The following SLC2A13 variants were observed in gnomAD, a reference collection of about 807,000 sequenced individuals.
The protein encoded by SLC2A13 is proton myo-inositol cotransporter.
Under a neutral mutation model 64.4 loss-of-function variants are expected in SLC2A13, and 32 were observed. That is an observed-to-expected ratio of 0.50 (90% CI 0.37 to 0.67). The LOEUF is 0.67. Among genes scored for constraint, SLC2A13 ranks in the 30% least tolerant of loss-of-function variants. SLC2A13 has a pLI of 0.00. For missense variants in SLC2A13, 743 were observed against 829.2 expected (o/e 0.90, Z 1.28); for synonymous variants, 338 against 327.1 (o/e 1.03, Z -0.36).
chr12:40,023,550 G>C (rs1947756575), intron 3 of SLC2A13, among the ~76,000 whole-genome samples: 1 of 152,198 alleles, frequency 6.6e-6, no homozygotes, highest in Admixed American at 6.5e-5. Flanking sequence ...TGTTCCCTAA[G>C]ACTGCCTTCA....
intron 1 of SLC2A13, among the ~76,000 whole-genome samples, chr12:40,103,378 T>C (rs1464054228): frequency 6.6e-6 from 1 of 152,204 alleles, no homozygotes; most frequent in Non-Finnish European, 1.5e-5. Context: ...GTACCCCCTC[T>C]GAATTCATCA....
At chr12:40,001,648 CTT>C (rs1947322882) in intron 3 of SLC2A13, among the ~76,000 whole-genome samples, 1 of 152,216 alleles carries the variant, frequency 6.6e-6, no homozygotes, top group African/African-American at 2.4e-5. Flanking sequence ...AGTCAGCACT[CTT>C]TATTCTTGGG....
intron 3 of SLC2A13, among the ~76,000 whole-genome samples, chr12:40,008,235 T>G (rs1947458895): frequency 6.6e-6 from 1 of 152,062 alleles, no homozygotes; most frequent in African/African-American, 2.4e-5. Context: ...CCAAAAAGAT[T>G]TTACTAAGGC....
chr12:40,090,269 T>A (rs914921028), intron 1 of SLC2A13, among the ~76,000 whole-genome samples: 3 of 152,152 alleles, frequency 2.0e-5, no homozygotes, highest in African/African-American at 2.4e-5. Context: ...TCTTCATTAA[T>A]AATATTTTAT....
At chr12:40,091,446 C>CT (rs1174491776) in intron 1 of SLC2A13, among the ~76,000 whole-genome samples, 19 of 152,252 alleles carry the variant, frequency 1.2e-4, no homozygotes, top group Admixed American at 1.2e-3. Context: ...TATTGCTAGA[C>CT]TTTTTTGCTG....
intron 2 of SLC2A13, among the ~76,000 whole-genome samples, chr12:40,033,449 C>T (rs571469485): frequency 6.6e-6 from 1 of 152,288 alleles, no homozygotes; most frequent in South Asian, 2.1e-4. Flanking sequence ...CTAATTGTGC[C>T]CAGCACAGGT....
chr12:40,090,235 G>C (rs1478520012), intron 1 of SLC2A13, among the ~76,000 whole-genome samples: 1 of 152,032 alleles, frequency 6.6e-6, no homozygotes, highest in East Asian at 1.9e-4. Flanking sequence ...GTAATCATCA[G>C]ACTCTTTTCT....
intron 1 of SLC2A13, among the ~76,000 whole-genome samples, chr12:40,089,118 A>T (rs1311116797): frequency 1.3e-5 from 2 of 152,196 alleles, no homozygotes; most frequent in Non-Finnish European, 2.9e-5. Context: ...TGAATCACTG[A>T]AAGAGTCAGG....
chr12:39,926,618 T>C (rs1420316009), intron 4 of SLC2A13, among the ~76,000 whole-genome samples: 1 of 152,150 alleles, frequency 6.6e-6, no homozygotes, highest in Non-Finnish European at 1.5e-5. Context: ...CTAACCTTTT[T>C]TATTTTTCTT....
chr12:39,802,645 A>G (rs1160012991), intron 7 of SLC2A13, among the ~76,000 whole-genome samples: 1 of 152,232 alleles, frequency 6.6e-6, no homozygotes, highest in Non-Finnish European at 1.5e-5. Flanking sequence ...GTCTAGAACT[A>G]TATGTATATA....
chr12:39,868,423 T>G (rs1403877354), intron 5 of SLC2A13, among the ~76,000 whole-genome samples: 2 of 152,218 alleles, frequency 1.3e-5, no homozygotes, highest in Non-Finnish European at 1.5e-5. Flanking sequence ...TCCCTTCCCA[T>G]GACTCTACCA....
intron 7 of SLC2A13, among the ~76,000 whole-genome samples, chr12:39,816,362 T>C (rs1005191055): frequency 1.5e-5 from 2 of 137,284 alleles, no homozygotes; most frequent in African/African-American, 5.5e-5. Flanking sequence ...TTCTCACTCA[T>C]AGGTGGGAAT....
intron 3 of SLC2A13, among the ~76,000 whole-genome samples, chr12:40,004,533 T>C (rs1159605924): frequency 2.6e-5 from 4 of 152,070 alleles, no homozygotes; most frequent in Non-Finnish European, 5.9e-5. Context: ...TTTTGGTATC[T>C]GAGGCGTATC....
At chr12:39,932,845 C>T (rs1945851721) in intron 4 of SLC2A13, among the ~76,000 whole-genome samples, 1 of 138,280 alleles carries the variant, frequency 7.2e-6, no homozygotes. Flanking sequence ...AAAGCTGGGG[C>T]AGTTAAGTCT....
At chr12:39,938,236 A>C (rs1945951011) in intron 4 of SLC2A13, among the ~76,000 whole-genome samples, 1 of 152,098 alleles carries the variant, frequency 6.6e-6, no homozygotes, top group South Asian at 2.1e-4. Flanking sequence ...ATAATTCCTG[A>C]TTTCCAAATC....
At chr12:39,763,056 G>A (rs1305234408) in intron 9 of SLC2A13, among the ~76,000 whole-genome samples, 1 of 151,896 alleles carries the variant, frequency 6.6e-6, no homozygotes, top group African/African-American at 2.4e-5. Flanking sequence ...CATATACTTA[G>A]GTCTTCAAAT....
At chr12:39,772,932 A>G (rs1230041420) in intron 7 of SLC2A13, among the ~76,000 whole-genome samples, 1 of 152,194 alleles carries the variant, frequency 6.6e-6, no homozygotes. Flanking sequence ...AGAGTTACAT[A>G]CTCAGCAATA....
intron 6 of SLC2A13, among the ~76,000 whole-genome samples, chr12:39,843,424 C>T (rs904193613): frequency 6.6e-6 from 1 of 151,824 alleles, no homozygotes; most frequent in Non-Finnish European, 1.5e-5. Context: ...TTTTATATGG[C>T]CTTTTGCAGA....
chr12:40,093,096 A>G (rs1938821728), intron 1 of SLC2A13, among the ~76,000 whole-genome samples: 1 of 152,192 alleles, frequency 6.6e-6, no homozygotes, highest in South Asian at 2.1e-4. Flanking sequence ...ACACAAATCA[A>G]CTTTTGTTTG....
Sources: allele counts gnomAD v4.1 joint callset (sites outside exome capture counted in the v4.1 genomes callset), GRCh38; gene constraint gnomAD v4.1.1; transcripts MANE v1.5; gene names NCBI Gene and HGNC (gene_info 2026-07-23, HGNC 2026-07-21).